AGTR1: variants seen among roughly 807,000 people sequenced by gnomAD.
AGTR1 encodes angiotensin II receptor type 1.
A neutral mutation model predicts 19.4 loss-of-function variants in AGTR1; 16 were observed. The ratio of observed to expected loss-of-function variants is 0.82; its 90% CI spans 0.56 to 1.25. AGTR1 has a LOEUF of 1.25. AGTR1 is among the 50% of genes most tolerant of loss of function. The pLI, the probability that AGTR1 is intolerant of heterozygous loss-of-function variation, is 0.00. For missense variants in AGTR1, 373 were observed against 431.9 expected (o/e 0.86, Z 1.21); for synonymous variants, 153 against 154.9 (o/e 0.99, Z 0.09).
intron 2 of AGTR1, among the ~76,000 whole-genome samples, chr3:148,715,191 A>G (rs1032619932): frequency 6.6e-6 from 1 of 152,182 alleles, no homozygotes; most frequent in African/African-American, 2.4e-5. Context: ...AGAGAAAACT[A>G]TCCTCACTTT....
chr3:148,726,260 G>A (rs909226355), intron 2 of AGTR1, among the ~76,000 whole-genome samples: 11 of 151,828 alleles, frequency 7.2e-5, no homozygotes, highest in African/African-American at 2.7e-4. Context: ...CCAGGCTGGA[G>A]TGCAATGGCA....
chr3:148,741,824 T>G lies in AGTR1; in HGVS notation c.789T>G (p.Asp263Glu). ...CCCACCAAATATTCACTTTTCTGGA[T>G]GTATTGATTCAACTAGGCATCATAC... ...WIPHQIFTFL[D>E]VLIQLGIIRD... Residue 263 changes from aspartate (D) to glutamate (E), a missense_variant, in exon 3 of 3, where the codon GAT becomes GAG. Transcript: ENST00000349243. 1 of 1,613,784 alleles carries G rather than the reference T, an allele frequency of 6.2e-7. No individual in the cohort carries two copies. The highest frequency in any genetic ancestry group is 8.5e-7 in the Non-Finnish European group (1 of 1,180,014).
chr3:148,735,784 T>C (rs950358202), intron 2 of AGTR1, among the ~76,000 whole-genome samples: 12 of 152,144 alleles, frequency 7.9e-5, no homozygotes, highest in African/African-American at 1.2e-4. Flanking sequence ...GGAAGCAACA[T>C]AGGAGCAGAA....
At chr3:148,734,258 T>A (rs1303254190) in intron 2 of AGTR1, among the ~76,000 whole-genome samples, 1 of 152,238 alleles carries the variant, frequency 6.6e-6, no homozygotes, top group East Asian at 1.9e-4. Context: ...AATATAAATG[T>A]TAATATAAAT....
chr3:148,713,681 GA>G (rs983290232), intron 2 of AGTR1, among the ~76,000 whole-genome samples: 1 of 152,024 alleles, frequency 6.6e-6, no homozygotes, highest in Admixed American at 6.6e-5. Context: ...AAAAGAGGTA[GA>G]AAAAAACCCA....
At chr3:148,725,435 T>A (rs1713872766) in intron 2 of AGTR1, among the ~76,000 whole-genome samples, 1 of 152,232 alleles carries the variant, frequency 6.6e-6, no homozygotes, top group East Asian at 1.9e-4. Context: ...TTATTGGCCA[T>A]ATATAATAAT....
At chr3:148,720,933 C>A in intron 2 of AGTR1, among the ~76,000 whole-genome samples, 1 of 152,136 alleles carries the variant, frequency 6.6e-6, no homozygotes, top group East Asian at 1.9e-4. Context: ...TAAATAAGAA[C>A]AAATGAGATT....
intron 2 of AGTR1, among the ~76,000 whole-genome samples, chr3:148,710,592 G>A (rs1245482825): frequency 6.6e-6 from 1 of 152,088 alleles, no homozygotes; most frequent in Non-Finnish European, 1.5e-5. Context: ...TTTCACCATT[G>A]CATAGACATA....
chr3:148,699,341 G>C (rs909133054), intron 1 of AGTR1, among the ~76,000 whole-genome samples: 3 of 152,132 alleles, frequency 2.0e-5, no homozygotes, highest in Admixed American at 2.0e-4. Context: ...ATTTCACATA[G>C]CATATGCTTT....
chr3:148,727,623 G>C (rs1714031334), intron 2 of AGTR1, among the ~76,000 whole-genome samples: 1 of 152,102 alleles, frequency 6.6e-6, no homozygotes, highest in African/African-American at 2.4e-5. Context: ...GCTTACAGAA[G>C]GTAATTTCTA....
In AGTR1 at chr3:148,741,123, A is replaced by G. The variant is rs1714847275; in HGVS notation, c.88A>G (p.Met30Val). ...TGGAAGGCATAATTACATATTTGTC[A>G]TGATTCCTACTTTATACAGTATCAT... ...KAGRHNYIFV[M>V]IPTLYSIIFV... The change falls in exon 3 of 3, where the codon ATG becomes GTG. Residue 30 changes from methionine to valine, a missense_variant. Coordinates refer to ENST00000349243, the MANE Select transcript of AGTR1 (RefSeq NM_000685.5). 1 of 1,614,188 alleles carries G rather than the reference A, an allele frequency of 6.2e-7. No individual in the cohort carries two copies. The highest frequency in any genetic ancestry group is 8.5e-7 in the Non-Finnish European group (1 of 1,180,018).
chr3:148,734,289 T>C (rs1485705981), intron 2 of AGTR1, among the ~76,000 whole-genome samples: 1 of 152,244 alleles, frequency 6.6e-6, no homozygotes, highest in Non-Finnish European at 1.5e-5. Flanking sequence ...CTGAATTTCC[T>C]TTCATAAAAC....
chr3:148,726,077 T>A (rs1287289001), intron 2 of AGTR1, among the ~76,000 whole-genome samples: 1 of 152,218 alleles, frequency 6.6e-6, no homozygotes, highest in Non-Finnish European at 1.5e-5. Context: ...AGAGGCTTCA[T>A]AATATTATTT....
At chr3:148,726,214 AT>A (rs11390367) in intron 2 of AGTR1, among the ~76,000 whole-genome samples, 40,859 of 146,672 alleles carry the variant, frequency 0.28, 8,968 homozygotes, top group African/African-American at 0.62. Flanking sequence ...CAGTCTACTG[AT>A]TTTTTTTTTT....
intron 1 of AGTR1, among the ~76,000 whole-genome samples, chr3:148,701,962 C>T (rs569537713): frequency 2.0e-3 from 304 of 149,152 alleles, no homozygotes; most frequent in Non-Finnish European, 3.7e-3. Context: ...GAGAAATACA[C>T]ATATGATTGT....
At chr3:148,739,850 C>T (rs758476241) in intron 2 of AGTR1, 57 of 1,231,816 alleles carry the variant, frequency 4.6e-5, no homozygotes, top group Middle Eastern at 6.2e-4. Flanking sequence ...GGGACCTGCT[C>T]CTGGTAGAGC....
chr3:148,701,221 G>A (rs1712316567), intron 1 of AGTR1, among the ~76,000 whole-genome samples: 1 of 152,142 alleles, frequency 6.6e-6, no homozygotes, highest in Non-Finnish European at 1.5e-5. Flanking sequence ...TAAATTGCCA[G>A]ATGTTTCCCT....
chr3:148,698,471 T>C (rs1712106210), intron 1 of AGTR1, among the ~76,000 whole-genome samples: 1 of 152,204 alleles, frequency 6.6e-6, no homozygotes, highest in Non-Finnish European at 1.5e-5. Flanking sequence ...TTAACTCTTG[T>C]ATTTTAGCCA....
Position 148,716,901 on chromosome 3 carries a change from G to A in AGTR1, c.-48+8874G>A, listed in dbSNP as rs1230308597. ...TCTGGTAGAGTCACAGAGTTAAGCT[G>A]TCATTCAGATCAGAAAAAATAAAAG... On this transcript the variant is annotated intron_variant, in intron 2 of 2. Coordinates refer to ENST00000349243, the MANE Select transcript of AGTR1 (RefSeq NM_000685.5). This position sits in a 1 kb window ranked among gnomAD's most constrained non-coding sequence, Gnocchi z 4.7. Among the ~76,000 whole-genome samples, 1 of 152,122 alleles carries A rather than the reference G, an allele frequency of 6.6e-6. No individual in the cohort carries two copies. Among genetic ancestry groups the A allele is most frequent in the Non-Finnish European group, 1.5e-5 (1 of 68,030 alleles).
Sources: gnomAD v4.1 joint callset for allele counts (sites outside exome capture counted in the v4.1 genomes callset) on GRCh38, gnomAD v4.1.1 for gene constraint, Gnocchi (gnomAD v3.1) non-coding constraint, MANE v1.5 for transcripts, NCBI Gene and HGNC (gene_info 2026-07-23, HGNC 2026-07-21) for gene names.